The following USP31 variants were observed in gnomAD, a reference collection of about 807,000 sequenced individuals.
The protein encoded by USP31 is ubiquitin carboxyl-terminal hydrolase 31.
Under a neutral mutation model 119.4 loss-of-function variants are expected in USP31, and 44 were observed. The ratio of observed to expected loss-of-function variants is 0.37; its 90% confidence interval spans 0.29 to 0.47. The LOEUF (loss-of-function observed/expected upper bound fraction) is 0.47. USP31 is among the 20% of genes least tolerant of loss of function. USP31 has a pLI of 0.99. For synonymous variants in USP31, 749 were observed against 705.6 expected (o/e 1.06, Z -0.97); for missense variants, 1,643 against 1,730.2 (o/e 0.95, Z 0.89).
chr16:23,126,069 A>C (rs1328531205), intron 1 of USP31, among the ~76,000 whole-genome samples: 1 of 152,034 alleles, frequency 6.6e-6, no homozygotes, highest in African/African-American at 2.4e-5. Flanking sequence ...TAATCTCAGC[A>C]CTTTGGGAGG....
chr16:23,097,065 G>A lies in USP31; in HGVS notation c.1234+5254C>T, dbSNP rs566352879. Among the ~76,000 whole-genome samples, 35 of 151,844 alleles carry A rather than the reference G, an allele frequency of 2.3e-4. No individual in the cohort carries two copies. In the East Asian group the frequency reaches 5.8e-3, roughly 25 times the overall value. On this transcript the variant is annotated intron_variant, in intron 6 of 15. Transcript: ENST00000219689. Reference sequence around the variant, plus strand: ...AAATGAATCTAGGAGCTGGTTTTTTGAAAAGATCAACAAAATTGATAGACC... The same window carrying A: ...AAATGAATCTAGGAGCTGGTTTTTTAAAAAGATCAACAAAATTGATAGACC...
Position 23,105,044 on chromosome 16 carries a change from A to C in USP31, c.1089+397T>G, listed in dbSNP as rs532135171. On this transcript the variant is annotated intron_variant, in intron 5 of 15. Transcript: ENST00000219689. ...TACTAGCAAGATATCCACTCTTATC[A>C]TCACAATGGGAAGGGGTTTTCTAGC... Among the ~76,000 whole-genome samples the C allele has an allele frequency of 6.6e-5, 10 of 152,310 alleles. No individual in the cohort carries two copies. In the East Asian group the frequency reaches 1.9e-3, roughly 29 times the overall value.
Position 23,062,485 on chromosome 16 carries a change from AAGT to A in USP31, c.*5558_*5560del, listed in dbSNP as rs1899880894. The A allele has an allele frequency of 6.6e-6, 1 of 152,664 alleles. No individual in the cohort carries two copies. The highest frequency in any genetic ancestry group is 1.9e-4 in the East Asian group (1 of 5,204). The allele number at this position is 152,664 out of a possible 1,614,324, so 9.5% of individuals were successfully genotyped here. ...AAGAACTATCCTAGAGAATGAGCAA[AAGT>A]AGGAAATTCAGCGGCAGCCTGGGGT... On this transcript the variant is annotated 3_prime_UTR_variant, in exon 16 of 16. Coordinates refer to ENST00000219689, the MANE Select transcript of USP31 (RefSeq NM_020718.4).
chr16:23,080,221 T>G lies in USP31; in HGVS notation c.1951-50A>C, dbSNP rs755263100. ...CTGGTGATATTTTAATGCAAGCAGATGGCAGATCACTTTAGAGGGGAATGT... is the reference window on the plus strand; with the variant it reads ...CTGGTGATATTTTAATGCAAGCAGAGGGCAGATCACTTTAGAGGGGAATGT... On this transcript the variant is annotated intron_variant, in intron 12 of 15. Transcript: ENST00000219689. 3.4e-6 allele frequency: 5 copies of G among 1,474,652 alleles called. No individual in the cohort carries two copies. The African/African-American group carries it at 5.7e-5, about 17-fold the overall frequency. The allele number at this position is 1,474,652 out of a possible 1,614,324, so 91.3% of individuals were successfully genotyped here.
At chr16:23,127,332 A>T (rs927663445) in intron 1 of USP31, among the ~76,000 whole-genome samples, 3 of 81,098 alleles carry the variant, frequency 3.7e-5, no homozygotes, top group African/African-American at 1.1e-4. Context: ...GGGACTGAGG[A>T]TCACTTGAGC....
chr16:23,089,934 T>C (rs1053200384), intron 7 of USP31, among the ~76,000 whole-genome samples: 10 of 152,214 alleles, frequency 6.6e-5, no homozygotes, highest in Non-Finnish European at 1.2e-4. Flanking sequence ...TAAGTTCAAT[T>C]TGGGACAGAA....
chr16:23,120,426 C>A (rs1902629005), intron 1 of USP31, among the ~76,000 whole-genome samples: 1 of 152,182 alleles, frequency 6.6e-6, no homozygotes, highest in Non-Finnish European at 1.5e-5. Flanking sequence ...AAGAGACAGA[C>A]CTATGGAGCT....
intron 1 of USP31, among the ~76,000 whole-genome samples, chr16:23,117,239 T>C (rs1902517494): frequency 6.6e-6 from 1 of 152,232 alleles, no homozygotes; most frequent in Non-Finnish European, 1.5e-5. Flanking sequence ...GTCCATCATA[T>C]CCATGTTCTC....
intron 9 of USP31, among the ~76,000 whole-genome samples, chr16:23,086,318 A>G (rs1247770517): frequency 6.6e-6 from 1 of 152,172 alleles, no homozygotes. Flanking sequence ...GCACTACAAT[A>G]TTTGTTGAAA....
intron 13 of USP31, 177 bp downstream of exon 13, chr16:23,079,769 G>T: frequency 1.7e-6 from 1 of 574,844 alleles, no homozygotes; most frequent in East Asian, 3.3e-5. Context: ...AGGAAAAGGA[G>T]GAAGAATGTT....
intron 5 of USP31, among the ~76,000 whole-genome samples, chr16:23,103,165 G>A (rs1901955525): frequency 1.3e-5 from 2 of 152,128 alleles, no homozygotes; most frequent in Non-Finnish European, 2.9e-5. Context: ...TGAAAGAAGA[G>A]AAGCCAAGAG....
intron 1 of USP31, among the ~76,000 whole-genome samples, chr16:23,129,751 T>C (rs1430961169): frequency 2.6e-5 from 4 of 152,214 alleles, no homozygotes; most frequent in Non-Finnish European, 4.4e-5. Context: ...TTAACATGGT[T>C]CCATGTAAAA....
chr16:23,095,999 T>G (rs1301451462), intron 6 of USP31, among the ~76,000 whole-genome samples: 1 of 152,106 alleles, frequency 6.6e-6, no homozygotes, highest in African/African-American at 2.4e-5. Flanking sequence ...CATAACAATA[T>G]TAACCTTAAA....
intron 6 of USP31, among the ~76,000 whole-genome samples, chr16:23,098,256 C>T (rs1283350616): frequency 6.6e-6 from 1 of 152,122 alleles, no homozygotes; most frequent in African/African-American, 2.4e-5. Context: ...CCTAGGAATC[C>T]AACTTACAAG....
intron 1 of USP31, among the ~76,000 whole-genome samples, chr16:23,132,464 G>C (rs760488437): frequency 6.6e-6 from 1 of 151,816 alleles, no homozygotes; most frequent in Admixed American, 6.6e-5. Flanking sequence ...CGAGTGTATA[G>C]ATGGGGACAG....
chr16:23,139,563 TC>T (rs2141902473), intron 1 of USP31, among the ~76,000 whole-genome samples: 1 of 152,104 alleles, frequency 6.6e-6, no homozygotes, highest in African/African-American at 2.4e-5. Context: ...CCTTAAGAGG[TC>T]CTCTCTCTCC....
chr16:23,064,231 G>A lies in USP31; in HGVS notation c.*3815C>T, dbSNP rs575874900. The A allele has an allele frequency of 1.3e-5, 2 of 152,686 alleles. No homozygotes were observed. Among genetic ancestry groups the A allele is most frequent in the East Asian group, 3.9e-4 (2 of 5,182 alleles). The allele number at this position is 152,686 out of a possible 1,614,324, so 9.5% of individuals were successfully genotyped here. A position where few individuals can be genotyped will look rare whatever the true frequency, so the allele number is the denominator to read the frequency against. ...CCAATAATTATAATAACCTACATTG[G>A]AAACAATCACTTCGGCTGTTCAGTA... On this transcript the variant is annotated 3_prime_UTR_variant, in exon 16 of 16. Coordinates refer to ENST00000219689, the MANE Select transcript of USP31 (RefSeq NM_020718.4).
chr16:23,110,229 T>C (rs898935235), intron 1 of USP31, among the ~76,000 whole-genome samples: 1 of 152,194 alleles, frequency 6.6e-6, no homozygotes, highest in African/African-American at 2.4e-5. Context: ...TTTACAAACT[T>C]TCTATAAATA....
chr16:23,128,884 C>G (rs1210407142), intron 1 of USP31, among the ~76,000 whole-genome samples: 1 of 152,176 alleles, frequency 6.6e-6, no homozygotes, highest in Non-Finnish European at 1.5e-5. Context: ...AGAGGAACAT[C>G]TTAATTGAAG....
Sources: allele counts gnomAD v4.1 joint callset (sites outside exome capture counted in the v4.1 genomes callset), GRCh38; gene constraint gnomAD v4.1.1; transcripts MANE v1.5; gene names NCBI Gene and HGNC (gene_info 2026-07-23, HGNC 2026-07-21).